Variants in EPHA5 observed in about 807,000 individuals in gnomAD.
EPHA5 encodes the protein ephrin type-A receptor 5.
In EPHA5, 60 loss-of-function variants were observed where a neutral mutation model predicts 105.0. The ratio of observed to expected loss-of-function variants is 0.57; its 90% CI spans 0.46 to 0.71. The LOEUF is 0.71. Among genes scored for constraint, EPHA5 ranks in the 30% least tolerant of loss-of-function variants. The pLI is 0.00. For synonymous variants in EPHA5, 513 were observed against 449.1 expected (o/e 1.14, Z -1.80); for missense variants, 1,218 against 1,274.7 (o/e 0.96, Z 0.68).
intron 8 of EPHA5, among the ~76,000 whole-genome samples, chr4:65,385,817 G>A (rs999631266): frequency 3.3e-5 from 5 of 151,622 alleles, no homozygotes; most frequent in Admixed American, 6.6e-5. Flanking sequence ...GAATTTACCT[G>A]ACCAAACATT....
At chr4:65,532,153 A>T (rs1211867363) in intron 3 of EPHA5, among the ~76,000 whole-genome samples, 1 of 152,114 alleles carries the variant, frequency 6.6e-6, no homozygotes, top group African/African-American at 2.4e-5. Context: ...TTTTTCTTTA[A>T]AAATCCTGCA....
At chr4:65,439,353 C>G (rs896761415) in intron 5 of EPHA5, among the ~76,000 whole-genome samples, 13 of 152,028 alleles carry the variant, frequency 8.6e-5, no homozygotes, top group African/African-American at 3.1e-4. Context: ...CTATTTGTGT[C>G]TAATTCCTAA....
intron 3 of EPHA5, among the ~76,000 whole-genome samples, chr4:65,513,259 G>A (rs544299291): frequency 6.6e-6 from 1 of 152,280 alleles, no homozygotes; most frequent in East Asian, 1.9e-4. Flanking sequence ...TAGTATAATA[G>A]CAAGTTTTTG....
chr4:65,342,127 ATCCAAGATGACTGGTTTAAG>A (rs1438136493), intron 14 of EPHA5, among the ~76,000 whole-genome samples: 2 of 150,904 alleles, frequency 1.3e-5, no homozygotes, highest in African/African-American at 4.9e-5. Flanking sequence ...GAGTTGTAGA[ATCCAAGATGACTGGTTTAAG>A]TCCAAGATTT....
intron 3 of EPHA5, among the ~76,000 whole-genome samples, chr4:65,510,812 A>G (rs945877920): frequency 6.6e-6 from 1 of 152,216 alleles, no homozygotes; most frequent in East Asian, 1.9e-4. Flanking sequence ...TAGTCCACAA[A>G]CATGCTAGAC....
intron 1 of EPHA5, 135 bp downstream of exon 1, chr4:65,669,427 C>T: frequency 8.0e-7 from 1 of 1,244,212 alleles, no homozygotes; most frequent in African/African-American, 1.5e-5. Context: ...TGGAAGGGGA[C>T]GACAAATACC....
At chr4:65,629,257 A>T (rs192704158) in intron 2 of EPHA5, among the ~76,000 whole-genome samples, 1 of 152,238 alleles carries the variant, frequency 6.6e-6, no homozygotes, top group African/African-American at 2.4e-5. Flanking sequence ...TTTCAGAACC[A>T]GGTCAGCAAT....
chr4:65,565,837 A>G (rs1340769137), intron 3 of EPHA5, among the ~76,000 whole-genome samples: 1 of 151,798 alleles, frequency 6.6e-6, no homozygotes, highest in Non-Finnish European at 1.5e-5. Context: ...ACTGTTTCTA[A>G]GTTTATAATT....
At chr4:65,580,515 A>T (rs1171482168) in intron 3 of EPHA5, among the ~76,000 whole-genome samples, 1 of 151,848 alleles carries the variant, frequency 6.6e-6, no homozygotes. Flanking sequence ...CATGATACTA[A>T]ATTCAAGGGT....
chr4:65,373,762 G>T (rs1718717667), intron 8 of EPHA5, among the ~76,000 whole-genome samples: 1 of 151,784 alleles, frequency 6.6e-6, no homozygotes. Flanking sequence ...CATAAAATAA[G>T]AATTTAACAT....
chr4:65,566,999 A>C (rs1385663783), intron 3 of EPHA5, among the ~76,000 whole-genome samples: 1 of 151,554 alleles, frequency 6.6e-6, no homozygotes, highest in African/African-American at 2.4e-5. Context: ...ACTATACACT[A>C]TCTGACTACA....
intron 3 of EPHA5, among the ~76,000 whole-genome samples, chr4:65,585,066 A>T (rs369809968): frequency 6.6e-6 from 1 of 151,516 alleles, no homozygotes; most frequent in Admixed American, 6.6e-5. Flanking sequence ...TCTTCATTAC[A>T]TCTCTGTTTT....
intron 5 of EPHA5, among the ~76,000 whole-genome samples, chr4:65,484,797 A>G (rs2149198178): frequency 1.3e-5 from 2 of 152,178 alleles, no homozygotes; most frequent in East Asian, 1.9e-4. Context: ...TTTATAGAAA[A>G]ACATAAATAC....
intron 3 of EPHA5, among the ~76,000 whole-genome samples, chr4:65,559,159 T>G (rs1470716251): frequency 6.6e-6 from 1 of 152,194 alleles, no homozygotes; most frequent in Non-Finnish European, 1.5e-5. Context: ...GTAAATATTT[T>G]GTGGTAAATT....
chr4:65,336,675 A>T (rs1309729136), intron 14 of EPHA5, among the ~76,000 whole-genome samples: 1 of 152,136 alleles, frequency 6.6e-6, no homozygotes, highest in African/African-American at 2.4e-5. Flanking sequence ...ACTGTTTATT[A>T]TCATCTGCTG....
chr4:65,484,817 T>G (rs920065901), intron 5 of EPHA5, among the ~76,000 whole-genome samples: 2 of 152,080 alleles, frequency 1.3e-5, no homozygotes, highest in Non-Finnish European at 2.9e-5. Flanking sequence ...CACACTATTT[T>G]GTAAAAAGAT....
intron 1 of EPHA5, among the ~76,000 whole-genome samples, chr4:65,647,153 C>T (rs536142300): frequency 1.7e-3 from 258 of 151,642 alleles, no homozygotes; most frequent in Non-Finnish European, 3.0e-3. Context: ...ACGGTGAAAC[C>T]CCATCTCTAC....
chr4:65,587,059 T>G (rs1742191653), intron 3 of EPHA5, among the ~76,000 whole-genome samples: 1 of 152,132 alleles, frequency 6.6e-6, no homozygotes, highest in Non-Finnish European at 1.5e-5. Flanking sequence ...TTTTGTTTTG[T>G]GTTCTGCTTC....
intron 5 of EPHA5, among the ~76,000 whole-genome samples, chr4:65,432,344 A>C (rs1187283441): frequency 6.6e-6 from 1 of 152,174 alleles, no homozygotes; most frequent in Non-Finnish European, 1.5e-5. Flanking sequence ...ATAGATATAG[A>C]AGTGAAATAG....
Sources: gnomAD v4.1 joint callset for allele counts (sites outside exome capture counted in the v4.1 genomes callset) on GRCh38, gnomAD v4.1.1 for gene constraint, MANE v1.5 for transcripts, NCBI Gene and HGNC (gene_info 2026-07-23, HGNC 2026-07-21) for gene names.